Variants in ZNF322 observed in about 807,000 individuals in gnomAD.
ZNF322 encodes the protein zinc finger protein 322.
In ZNF322, 1 loss-of-function variant was observed where a neutral mutation model predicts 18.3. The ratio of observed to expected loss-of-function variants is 0.05; its 90% CI spans 0.02 to 0.26. The LOEUF (loss-of-function observed/expected upper bound fraction) is 0.26, where lower values mean the gene tolerates loss of function less well. ZNF322 is among the 10% of genes least tolerant of loss of function. The pLI is 1.00. For missense variants in ZNF322, 36 were observed against 403.6 expected, an observed-to-expected ratio of 0.09 and a Z score of 7.80; for synonymous variants, 17 against 130.7, an observed-to-expected ratio of 0.13 and a Z score of 5.93.
chr6:26,647,098 G>A (rs898961278), intron 2 of ZNF322, among the ~76,000 whole-genome samples: 4 of 152,176 alleles, frequency 2.6e-5, no homozygotes, highest in East Asian at 1.9e-4. Context: ...GAGCCCAGGA[G>A]TTCAAGACCA....
chr6:26,642,115 C>T (rs1345184512), intron 3 of ZNF322, among the ~76,000 whole-genome samples: 1 of 152,192 alleles, frequency 6.6e-6, no homozygotes, highest in Admixed American at 6.5e-5. Flanking sequence ...CTTCACTGCA[C>T]TGAGATGTTT....
chr6:26,645,441 T>A (rs1233546714), intron 2 of ZNF322, among the ~76,000 whole-genome samples: 1 of 151,718 alleles, frequency 6.6e-6, no homozygotes, highest in Non-Finnish European at 1.5e-5. Context: ...CCACTCTAAG[T>A]ACAAAAAACT....
chr6:26,652,841 C>T (rs1216177527), intron 2 of ZNF322, among the ~76,000 whole-genome samples: 3 of 151,996 alleles, frequency 2.0e-5, no homozygotes, highest in Non-Finnish European at 4.4e-5. Context: ...AGATTAACAG[C>T]GGGGGATGCT....
In ZNF322 at chr6:26,654,230, G is replaced by T. The variant is rs150273707; in HGVS notation, c.-246+4328C>A. Among the ~76,000 whole-genome samples the T allele has an allele frequency of 5.9e-5, 9 of 152,266 alleles. No individual in the cohort carries two copies. The East Asian group carries it at 1.7e-3, about 29-fold the overall frequency. On this transcript the variant is annotated intron_variant, in intron 2 of 3. Coordinates refer to ENST00000415922, the MANE Select transcript of ZNF322 (RefSeq NM_024639.5). ...AATTAGAAGTACCAGTATAAGTCAA[G>T]ATTTTAAGGTTTATATAGAGAATAA...
intron 2 of ZNF322, among the ~76,000 whole-genome samples, chr6:26,649,635 ATATGTG>A (rs1350424098): frequency 1.6e-4 from 11 of 68,486 alleles, no homozygotes; most frequent in Non-Finnish European, 3.1e-4. Context: ...ATATACATAC[ATATGTG>A]TGTGTGTGTG....
In ZNF322 at chr6:26,657,586, A is replaced by G. The variant is rs560166494; in HGVS notation, c.-246+972T>C. ...ATCACCATTCAACTTTATGGTATAC[A>G]TTTTATATTTATTCGTTTGTCTTTT... On this transcript the variant is annotated intron_variant, in intron 2 of 3. Coordinates refer to ENST00000415922, the MANE Select transcript of ZNF322 (RefSeq NM_024639.5). Among the ~76,000 whole-genome samples, 4 of 152,264 alleles carry G rather than the reference A, an allele frequency of 2.6e-5. No individual in the cohort carries two copies. In the East Asian group the frequency reaches 7.8e-4, roughly 30 times the overall value.
At chr6:26,656,618 A>G (rs1581499036) in intron 2 of ZNF322, among the ~76,000 whole-genome samples, 1 of 152,304 alleles carries the variant, frequency 6.6e-6, no homozygotes, top group East Asian at 1.9e-4. Flanking sequence ...ATCACAACTA[A>G]GTAAAGATAT....
chr6:26,657,243 T>C (rs1479050751), intron 2 of ZNF322, among the ~76,000 whole-genome samples: 9 of 149,136 alleles, frequency 6.0e-5, no homozygotes, highest in Middle Eastern at 3.4e-3. Context: ...GAGCGAAGAC[T>C]CCATCTCAAA....
intron 2 of ZNF322, among the ~76,000 whole-genome samples, chr6:26,656,207 T>C (rs1159257483): frequency 6.6e-6 from 1 of 152,262 alleles, no homozygotes; most frequent in African/African-American, 2.4e-5. Context: ...AAGCTCTGGA[T>C]GCAGATTTTG....
chr6:26,649,602 C>T (rs146523429), intron 2 of ZNF322, among the ~76,000 whole-genome samples: 1 of 135,174 alleles, frequency 7.4e-6, no homozygotes, highest in African/African-American at 2.8e-5. Context: ...AAAATAAAAA[C>T]TTTTTTTAAA....
intron 1 of ZNF322, chr6:26,658,948 T>A (rs1223576541): frequency 1.3e-5 from 2 of 152,256 alleles, no homozygotes; most frequent in Non-Finnish European, 2.9e-5. Flanking sequence ...TTCTGCTAAT[T>A]GTTTTTGTTT....
rs571237758 is a variant in ZNF322, at chr6:26,635,111, G to C, written c.*2234C>G. 1 of 145,274 alleles carries C rather than the reference G, an allele frequency of 6.9e-6. No homozygotes were observed. The highest frequency in any genetic ancestry group is 1.5e-5 in the Non-Finnish European group (1 of 66,604). The allele number at this position is 145,274 out of a possible 1,614,324, so 9.0% of individuals were successfully genotyped here. On this transcript the variant is annotated 3_prime_UTR_variant, in exon 4 of 4. Coordinates refer to ENST00000415922, the MANE Select transcript of ZNF322 (RefSeq NM_024639.5). ...CCTAGAATCCTTATTATCACTATGA[G>C]CTATATTCACTGGCCCTAATATTAT...
intron 2 of ZNF322, among the ~76,000 whole-genome samples, chr6:26,648,323 T>C (rs892773616): frequency 9.2e-5 from 14 of 152,178 alleles, no homozygotes; most frequent in African/African-American, 3.1e-4. Flanking sequence ...CCTTTTAATA[T>C]GATAAAACAT....
At chr6:26,652,741 G>A (rs1412429673) in intron 2 of ZNF322, among the ~76,000 whole-genome samples, 2 of 152,020 alleles carry the variant, frequency 1.3e-5, no homozygotes, top group South Asian at 2.1e-4. Context: ...AACATAAAGA[G>A]TGAACCCTAA....
At chr6:26,639,458 G>T (rs1765428607) in intron 3 of ZNF322, among the ~76,000 whole-genome samples, 2 of 151,996 alleles carry the variant, frequency 1.3e-5, no homozygotes, top group South Asian at 4.1e-4. Context: ...TTTTATAACA[G>T]GCTTTTCTTT....
chr6:26,638,693 T>C lies in ZNF322; in HGVS notation c.-140A>G. The C allele has an allele frequency of 1.1e-6, 1 of 921,190 alleles. No homozygotes were observed. Among genetic ancestry groups the C allele is most frequent in the Non-Finnish European group, 1.7e-6 (1 of 602,868 alleles). The allele number at this position is 921,190 out of a possible 1,614,324, so 57.1% of individuals were successfully genotyped here. A position where few individuals can be genotyped will look rare whatever the true frequency, so the allele number is the denominator to read the frequency against. On this transcript the variant is annotated 5_prime_UTR_variant, in exon 4 of 4. The change abolishes an upstream ATG in the 5' untranslated region. Coordinates refer to ENST00000415922, the MANE Select transcript of ZNF322 (RefSeq NM_024639.5). ...CATGAGCCTCTACAAGTTTCCAGCA[T>C]CATATATGTTAATTCCTTACTTGGT... is the stretch of plus-strand genomic sequence containing the variant.
At chr6:26,651,895 G>A (rs574348656) in intron 2 of ZNF322, among the ~76,000 whole-genome samples, 2 of 152,250 alleles carry the variant, frequency 1.3e-5, no homozygotes, top group South Asian at 2.1e-4. Flanking sequence ...GCAGTGGTGC[G>A]ATCTCAACTT....
intron 2 of ZNF322, among the ~76,000 whole-genome samples, chr6:26,644,651 C>CT (rs1231524841): frequency 2.6e-5 from 4 of 151,902 alleles, no homozygotes; most frequent in African/African-American, 7.3e-5. Context: ...GATTTTATTT[C>CT]TTTTTTTTCC....
At chr6:26,640,661 A>G (rs1453213060) in intron 3 of ZNF322, among the ~76,000 whole-genome samples, 1 of 152,164 alleles carries the variant, frequency 6.6e-6, no homozygotes. Context: ...GTAAGCCCCT[A>G]AAAGACAGGG....
Sources: gnomAD v4.1 joint callset for allele counts (sites outside exome capture counted in the v4.1 genomes callset) on GRCh38, gnomAD v4.1.1 for gene constraint, MANE v1.5 for transcripts, NCBI Gene and HGNC (gene_info 2026-07-23, HGNC 2026-07-21) for gene names.